Variants in CCM2 observed in about 807,000 individuals in gnomAD.
The protein encoded by CCM2 is CCM2 scaffold protein.
CCM2 carries 25 observed loss-of-function variants against 44.9 expected under a neutral mutation model. The ratio of observed to expected loss-of-function variants is 0.56; its 90% CI spans 0.41 to 0.78. The LOEUF (loss-of-function observed/expected upper bound fraction) is 0.78, where lower values mean the gene tolerates loss of function less well. Among genes scored for constraint, CCM2 ranks in the 30% least tolerant of loss-of-function variants. The pLI, the probability that CCM2 is intolerant of heterozygous loss-of-function variation, is 0.00. For synonymous variants in CCM2, 219 were observed against 241.1 expected (o/e 0.91, Z 0.85); for missense variants, 481 against 580.6 (o/e 0.83, Z 1.76).
chr7:45,047,634 G>A (rs909362373), intron 2 of CCM2, among the ~76,000 whole-genome samples: 3 of 152,234 alleles, frequency 2.0e-5, no homozygotes, highest in Non-Finnish European at 4.4e-5. Flanking sequence ...CACACTGTAT[G>A]TTCCTTTCTG....
chr7:45,072,486 T>A (rs1280910500), intron 6 of CCM2: 1 of 621,954 alleles, frequency 1.6e-6, no homozygotes, highest in East Asian at 2.8e-5. Flanking sequence ...CAGCCCAGCG[T>A]GCAGCAGGAT....
intron 1 of CCM2, among the ~76,000 whole-genome samples, chr7:45,004,573 C>A (rs1795769401): frequency 6.6e-6 from 1 of 152,212 alleles, no homozygotes; most frequent in Non-Finnish European, 1.5e-5. Context: ...TTGGTCACTG[C>A]AGGCACCAGG....
At chr7:45,040,042 A>G (rs2128730393) in intron 2 of CCM2, among the ~76,000 whole-genome samples, 2 of 152,012 alleles carry the variant, frequency 1.3e-5, no homozygotes, top group Middle Eastern at 6.8e-3. Context: ...AAAACAAAAC[A>G]AAACAACTAT....
chr7:45,038,559 C>T (rs1797337581), intron 2 of CCM2, 133 bp downstream of exon 2: 2 of 879,410 alleles, frequency 2.3e-6, no homozygotes, highest in Non-Finnish European at 3.7e-6. Context: ...CACCCATTGT[C>T]TTGTCTATGC....
intron 2 of CCM2, among the ~76,000 whole-genome samples, chr7:45,055,417 G>A (rs555585935): frequency 1.8e-4 from 27 of 152,274 alleles, no homozygotes; most frequent in Admixed American, 7.8e-4. Flanking sequence ...GGCCGGGCCC[G>A]GTGGCTCATG....
chr7:45,061,631 ATTT>A (rs1301407736), intron 2 of CCM2, among the ~76,000 whole-genome samples: 2 of 151,528 alleles, frequency 1.3e-5, no homozygotes, highest in East Asian at 3.9e-4. Flanking sequence ...GTGCCCAACT[ATTT>A]TGTTGTTGTT....
At position 45,068,571 on chromosome 7, in the gene CCM2, G is replaced by A; in HGVS notation, c.601G>A (p.Glu201Lys). ...ATGCTGCCTGGTCATCCTGGCTGCAGAGAGCAAGGTGAGACTTTCTCGCCC... is the reference window on the plus strand; with the variant it reads ...ATGCTGCCTGGTCATCCTGGCTGCAAAGAGCAAGGTGAGACTTTCTCGCCC... ...EACCLVILAA[E>K]SKVAAEELCC... Residue 201 changes from glutamate to lysine, a missense_variant, in exon 5 of 10, where the codon GAG (glutamate) becomes AAG (lysine). Glu to Lys is a moderately conservative substitution (Grantham distance 56, BLOSUM62 1). Coordinates refer to ENST00000258781, the MANE Select transcript of CCM2 (RefSeq NM_031443.4). The A allele has an allele frequency of 6.2e-7, 1 of 1,613,984 alleles. No homozygotes were observed. The highest frequency in any genetic ancestry group is 1.7e-5 in the Admixed American group (1 of 60,018).
chr7:45,007,086 T>C lies in CCM2; in HGVS notation c.30+6723T>C, dbSNP rs546999464. 3.3e-5 allele frequency among the ~76,000 whole-genome samples: 5 copies of C among 152,056 alleles called. No homozygotes were observed. The East Asian group carries it at 9.7e-4, about 29-fold the overall frequency. ...GCTGCCTTAGGGTCTCTGGGGTGAG[T>C]TCTGAGGACCAAGTCTACACTGTCA... On this transcript the variant is annotated intron_variant, in intron 1 of 9. Coordinates refer to ENST00000258781, the MANE Select transcript of CCM2 (RefSeq NM_031443.4).
chr7:45,010,370 A>AT (rs1346739443), intron 1 of CCM2, among the ~76,000 whole-genome samples: 1 of 152,048 alleles, frequency 6.6e-6, no homozygotes, highest in African/African-American at 2.4e-5. Context: ...TACTGTTCTG[A>AT]TTTTTTTCCA....
chr7:45,045,357 G>A (rs895896450), intron 2 of CCM2, among the ~76,000 whole-genome samples: 3 of 144,210 alleles, frequency 2.1e-5, no homozygotes, highest in East Asian at 3.9e-4. Flanking sequence ...CCATATGTTT[G>A]CAGAAATAAA....
intron 1 of CCM2, among the ~76,000 whole-genome samples, chr7:45,023,248 T>C (rs1234700000): frequency 6.6e-6 from 1 of 152,122 alleles, no homozygotes; most frequent in Non-Finnish European, 1.5e-5. Context: ...TTTTAAATGT[T>C]CTAATAAAAC....
At chr7:45,026,782 C>G (rs1401991329) in intron 1 of CCM2, among the ~76,000 whole-genome samples, 4 of 151,778 alleles carry the variant, frequency 2.6e-5, no homozygotes, top group South Asian at 2.1e-4. Flanking sequence ...TTTCTACTTT[C>G]AGTAGAGACG....
intron 1 of CCM2, among the ~76,000 whole-genome samples, chr7:45,006,388 G>A (rs1795849288): frequency 6.6e-6 from 1 of 151,016 alleles, no homozygotes; most frequent in African/African-American, 2.4e-5. Flanking sequence ...CTGTCACCCA[G>A]GCTGGAGTGC....
chr7:45,023,519 C>T (rs1297041885), intron 1 of CCM2, among the ~76,000 whole-genome samples: 1 of 152,162 alleles, frequency 6.6e-6, no homozygotes, highest in African/African-American at 2.4e-5. Flanking sequence ...CACTGGACTC[C>T]AGCCTGGATG....
At chr7:45,016,229 C>T (rs1410092962) in intron 1 of CCM2, among the ~76,000 whole-genome samples, 1 of 152,220 alleles carries the variant, frequency 6.6e-6, no homozygotes, top group African/African-American at 2.4e-5. Flanking sequence ...TGGGTTTGTG[C>T]TGACCAAGTA....
rs772520097 is a variant in CCM2, at chr7:45,027,739, A to G, written c.31-10514A>G. 2.5e-6 allele frequency: 4 copies of G among 1,614,192 alleles called. No homozygotes were observed. The South Asian group carries it at 3.3e-5, about 13-fold the overall frequency. On this transcript the variant is annotated intron_variant, in intron 1 of 9. Transcript: ENST00000258781. Reference sequence around the variant, plus strand: ...AGCTGTCGGCAGAGGAGGAACCAGAATCTCTCCAAAGAAATTCCTCAAACA... The same window carrying G: ...AGCTGTCGGCAGAGGAGGAACCAGAGTCTCTCCAAAGAAATTCCTCAAACA...
chr7:45,002,488 G>A (rs1057010153), intron 1 of CCM2, among the ~76,000 whole-genome samples: 1 of 151,820 alleles, frequency 6.6e-6, no homozygotes, highest in Admixed American at 6.6e-5. Context: ...AGGATCACCT[G>A]AGCTCAGGTG....
intron 2 of CCM2, among the ~76,000 whole-genome samples, chr7:45,040,239 C>T (rs189215683): frequency 2.6e-5 from 4 of 151,746 alleles, no homozygotes; most frequent in African/African-American, 7.3e-5. Context: ...AAAAAATTAG[C>T]CGGGCGCGGT....
chr7:45,017,224 G>A (rs919946960), intron 1 of CCM2, among the ~76,000 whole-genome samples: 2 of 152,202 alleles, frequency 1.3e-5, no homozygotes, highest in African/African-American at 4.8e-5. Flanking sequence ...AGACAGGCAT[G>A]TTCTTTGCAT....
Sources: allele counts gnomAD v4.1 joint callset (sites outside exome capture counted in the v4.1 genomes callset), GRCh38; gene constraint gnomAD v4.1.1; transcripts MANE v1.5; gene names NCBI Gene and HGNC (gene_info 2026-07-23, HGNC 2026-07-21).